The following ZNF511 variants were observed in gnomAD, a reference collection of about 807,000 sequenced individuals.
ZNF511 encodes zinc finger protein 511.
ZNF511 carries 26 observed loss-of-function variants against 24.8 expected under a neutral mutation model. The ratio of observed to expected loss-of-function variants is 1.05; its 90% CI spans 0.77 to 1.46. ZNF511 has a LOEUF of 1.46. ZNF511 is among the 40% of genes most tolerant of loss of function. The pLI, the probability that ZNF511 is intolerant of heterozygous loss-of-function variation, is 0.00. For synonymous variants in ZNF511, 144 were observed against 139.6 expected (o/e 1.03, Z -0.22); for missense variants, 358 against 345.0 (o/e 1.04, Z -0.30).
In ZNF511 at chr10:133,312,987, C is replaced by G; in HGVS notation, c.*121C>G. Reference sequence around the variant, plus strand: ...CCAGGCCCTCGCCATCCTCCCCATCCTTGTTCCTCAGCAAATGGCATTAGC... The same window carrying G: ...CCAGGCCCTCGCCATCCTCCCCATCGTTGTTCCTCAGCAAATGGCATTAGC... On this transcript the variant is annotated 3_prime_UTR_variant, in exon 6 of 6. Coordinates refer to ENST00000361518, the MANE Select transcript of ZNF511 (RefSeq NM_145806.4). 6.5e-7 allele frequency: 1 copy of G among 1,542,616 alleles called. No individual in the cohort carries two copies. The highest frequency in any genetic ancestry group is 2.0e-5 in the Admixed American group (1 of 49,712).
intron 4 of ZNF511, 102 bp from the exon 5 acceptor site, chr10:133,311,614 A>G: frequency 2.0e-6 from 2 of 992,044 alleles, no homozygotes; most frequent in East Asian, 4.8e-5. Flanking sequence ...AAAATATGCT[A>G]CTTACAGGGA....
In ZNF511 at chr10:133,309,074, C is replaced by G; in HGVS notation, c.131C>G (p.Pro44Arg). 1 of 1,301,854 alleles carries G rather than the reference C, an allele frequency of 7.7e-7. No homozygotes were observed. The highest frequency in any genetic ancestry group is 2.9e-5 in the South Asian group (1 of 34,698). 80.6% of individuals were successfully genotyped at this position (1,301,854 alleles called of 1,614,324 possible). A position where few individuals can be genotyped will look rare whatever the true frequency, so the allele number is the denominator to read the frequency against. The change falls in exon 1 of 6, where the codon CCG becomes CGG. Residue 44 changes from proline to arginine, a missense_variant. Coordinates refer to ENST00000361518, the MANE Select transcript of ZNF511 (RefSeq NM_145806.4). ...TTCGTTGCGCGCCCCGTGCGCTTCC[C>G]GCGGGAGCACCAGTTCTTCGAGGTG... ...FRFVARPVRF[P>R]REHQFFEDGD... is the part of the protein sequence containing the mutation.
chr10:133,310,005 G>A, intron 3 of ZNF511, 28 bp downstream of exon 3: 2 of 1,611,682 alleles, frequency 1.2e-6, no homozygotes, highest in Non-Finnish European at 1.7e-6. Flanking sequence ...AGCCGCCGAG[G>A]CCACCCCCCA....
chr10:133,309,249 G>A lies in ZNF511; in HGVS notation c.154-141G>A, dbSNP rs545831250. The A allele has an allele frequency of 1.8e-5, 24 of 1,328,104 alleles. No homozygotes were observed. In the South Asian group the frequency reaches 3.2e-4, roughly 18 times the overall value. 82.3% of individuals were successfully genotyped at this position (1,328,104 alleles called of 1,614,324 possible). A position where few individuals can be genotyped will look rare whatever the true frequency, so the allele number is the denominator to read the frequency against. On this transcript the variant is annotated intron_variant, in intron 1 of 5. Coordinates refer to ENST00000361518, the MANE Select transcript of ZNF511 (RefSeq NM_145806.4). ...GGACCTGAGGTGGTGGGGCGGGGCC[G>A]GAACGTGGAGTGGGCGGGGCCTGAG...
At chr10:133,312,675 T>A in intron 5 of ZNF511, 113 bp from the exon 6 acceptor site, 1 of 1,576,786 alleles carries the variant, frequency 6.3e-7, no homozygotes, top group Non-Finnish European at 8.6e-7. Context: ...CGGCTCTGCA[T>A]TCCGCATGTT....
Position 133,312,988 on chromosome 10 carries a change from T to A in ZNF511, c.*122T>A. On this transcript the variant is annotated 3_prime_UTR_variant, in exon 6 of 6. Transcript: ENST00000361518. ...CAGGCCCTCGCCATCCTCCCCATCC[T>A]TGTTCCTCAGCAAATGGCATTAGCA... The A allele has an allele frequency of 1.9e-6, 3 of 1,539,858 alleles. No homozygotes were observed. The highest frequency in any genetic ancestry group is 2.6e-6 in the Non-Finnish European group (3 of 1,148,418).
At position 133,309,394 on chromosome 10, in the gene ZNF511, G is replaced by A. The variant is rs1267119101; in HGVS notation, c.158G>A (p.Gly53Glu). Residue 53 changes from glycine (G) to glutamate (E), a missense_variant, in exon 2 of 6, where the codon GGG (glycine) becomes GAG (glutamate). Transcript: ENST00000361518. Reference sequence around the variant, plus strand: ...CACGGCGCACTTTTCCTGCAGGATGGGGACGTGCAGCGCCACCTCTACCTC... The same window carrying A: ...CACGGCGCACTTTTCCTGCAGGATGAGGACGTGCAGCGCCACCTCTACCTC... ...FPREHQFFEDGDVQRHLYLQD... is the reference protein window; with the variant it reads ...FPREHQFFEDEDVQRHLYLQD... 6.2e-7 allele frequency: 1 copy of A among 1,611,486 alleles called. No individual in the cohort carries two copies.
At position 133,313,062 on chromosome 10, in the gene ZNF511, G is replaced by C; in HGVS notation, c.*196G>C. ...ACCCACAGATTTTGGAAACGACCTGGACACACTATTGGGAAGGAGATGTGG... is the reference window on the plus strand; with the variant it reads ...ACCCACAGATTTTGGAAACGACCTGCACACACTATTGGGAAGGAGATGTGG... On this transcript the variant is annotated 3_prime_UTR_variant, in exon 6 of 6. Coordinates refer to ENST00000361518, the MANE Select transcript of ZNF511 (RefSeq NM_145806.4). 1 of 1,402,648 alleles carries C rather than the reference G, an allele frequency of 7.1e-7. No homozygotes were observed. The highest frequency in any genetic ancestry group is 9.3e-7 in the Non-Finnish European group (1 of 1,071,286). 86.9% of individuals were successfully genotyped at this position (1,402,648 alleles called of 1,614,324 possible).
At chr10:133,310,132 G>T in intron 3 of ZNF511, 32 bp from the exon 4 acceptor site, 1 of 1,613,068 alleles carries the variant, frequency 6.2e-7, no homozygotes, top group Non-Finnish European at 8.5e-7. Flanking sequence ...AGGGCCAGGG[G>T]TCAGAGGGAG....
At chr10:133,311,440 C>T (rs772725724) in intron 4 of ZNF511, among the ~76,000 whole-genome samples, 8 of 152,082 alleles carry the variant, frequency 5.3e-5, no homozygotes, top group Non-Finnish European at 1.0e-4. Flanking sequence ...CCCGTGGCAC[C>T]GTTGGCACCA....
At chr10:133,312,566 G>A in intron 5 of ZNF511, 1 of 1,430,136 alleles carries the variant, frequency 7.0e-7, no homozygotes, top group Non-Finnish European at 9.1e-7. Context: ...TCTCTGCGGA[G>A]TTCTTCCCAG....
intron 4 of ZNF511, chr10:133,310,666 C>A (rs550153154): frequency 3.9e-6 from 1 of 256,068 alleles, no homozygotes; most frequent in Admixed American, 5.0e-5. Flanking sequence ...CTCCTGCAGC[C>A]GTCGGCCGTG....
At chr10:133,312,422 C>T (rs1163085915) in intron 5 of ZNF511, 5 of 1,199,198 alleles carry the variant, frequency 4.2e-6, no homozygotes, top group South Asian at 2.2e-5. Flanking sequence ...TTAATGTTCC[C>T]TGCACCCTCC....
At position 133,308,993 on chromosome 10, in the gene ZNF511, C is replaced by T; in HGVS notation, c.50C>T (p.Ala17Val). ...LCARLAAGPG[A>V]AEPLPVERDP... ...GCCCGCCTCGCTGCGGGGCCCGGGGCGGCGGAGCCGCTGCCTGTAGAGCGG... is the reference window on the plus strand; with the variant it reads ...GCCCGCCTCGCTGCGGGGCCCGGGGTGGCGGAGCCGCTGCCTGTAGAGCGG... The change falls in exon 1 of 6, where the codon GCG (alanine) becomes GTG (valine). Residue 17 changes from alanine to valine, a missense_variant. Coordinates refer to ENST00000361518, the MANE Select transcript of ZNF511 (RefSeq NM_145806.4). 1 of 1,247,686 alleles carries T rather than the reference C, an allele frequency of 8.0e-7. No homozygotes were observed. The highest frequency in any genetic ancestry group is 1.0e-6 in the Non-Finnish European group (1 of 988,720). 77.3% of individuals were successfully genotyped at this position (1,247,686 alleles called of 1,614,324 possible).
chr10:133,311,430 C>G (rs1847985269), intron 4 of ZNF511, among the ~76,000 whole-genome samples: 1 of 152,162 alleles, frequency 6.6e-6, no homozygotes, highest in Non-Finnish European at 1.5e-5. Flanking sequence ...CATAAAAAGA[C>G]CCGTGGCACC....
At chr10:133,309,230 G>C in intron 1 of ZNF511, 134 bp downstream of exon 1, 1 of 964,026 alleles carries the variant, frequency 1.0e-6, no homozygotes, top group Non-Finnish European at 1.4e-6. Context: ...GGCGGGACCT[G>C]AGGTGGTGGG....
Position 133,309,777 on chromosome 10 carries a change from G to A in ZNF511, c.229G>A (p.Val77Met), listed in dbSNP as rs1329020064. ...TCCTGAAGCACGTCTCCTTGGCAGG[G>A]TGCCCGCGTTTGCCTGCCAGGTGGC... ...QVADVPEKPR[V>M]PAFACQVAGC... The change falls in exon 3 of 6, where the codon GTG becomes ATG. Residue 77 changes from valine to methionine, a missense_variant and splice_region_variant. Coordinates refer to ENST00000361518, the MANE Select transcript of ZNF511 (RefSeq NM_145806.4). The A allele has an allele frequency of 1.9e-6, 3 of 1,612,702 alleles. No homozygotes were observed. The highest frequency in any genetic ancestry group is 2.2e-5 in the South Asian group (2 of 91,040).
chr10:133,312,962 C>T lies in ZNF511; in HGVS notation c.*96C>T. 6.3e-7 allele frequency: 1 copy of T among 1,587,796 alleles called. No individual in the cohort carries two copies. Among genetic ancestry groups the T allele is most frequent in the Middle Eastern group, 2.1e-4 (1 of 4,824 alleles). On this transcript the variant is annotated 3_prime_UTR_variant, in exon 6 of 6. Coordinates refer to ENST00000361518, the MANE Select transcript of ZNF511 (RefSeq NM_145806.4). The stretch of plus-strand genomic sequence containing the variant: ...CCTTCTGGTGTGGCCGCCCTGGGGG[C>T]CAGGCCCTCGCCATCCTCCCCATCC...
At chr10:133,312,534 G>C in intron 5 of ZNF511, 3 of 1,376,962 alleles carry the variant, frequency 2.2e-6, no homozygotes, top group Non-Finnish European at 2.8e-6. Flanking sequence ...CTCAGCCCCA[G>C]AGGGCTTGGC....
Sources: allele counts gnomAD v4.1 joint callset (sites outside exome capture counted in the v4.1 genomes callset), GRCh38; gene constraint gnomAD v4.1.1; transcripts MANE v1.5; gene names NCBI Gene and HGNC (gene_info 2026-07-23, HGNC 2026-07-21).